Variants in SPATS2 observed in about 807,000 individuals in gnomAD.
SPATS2 encodes the protein spermatogenesis associated serine rich 2.
Under a neutral mutation model 63.7 loss-of-function variants are expected in SPATS2, and 38 were observed. That is an observed-to-expected ratio of 0.60 (90% confidence interval 0.46 to 0.78). The LOEUF (loss-of-function observed/expected upper bound fraction) is 0.78. SPATS2 is among the 30% of genes least tolerant of loss of function. The pLI is 0.00. For synonymous variants in SPATS2, 207 were observed against 232.9 expected, an observed-to-expected ratio of 0.89 and a Z score of 1.01; for missense variants, 588 against 666.2, an observed-to-expected ratio of 0.88 and a Z score of 1.29.
chr12:49,400,930 C>T (rs1323531547), intron 2 of SPATS2, among the ~76,000 whole-genome samples: 5 of 152,142 alleles, frequency 3.3e-5, no homozygotes, highest in African/African-American at 7.2e-5. Context: ...GGCTTGAGTG[C>T]CGTGGTGCAT....
intron 3 of SPATS2, among the ~76,000 whole-genome samples, chr12:49,480,626 T>G (rs537483637): frequency 6.6e-6 from 1 of 152,300 alleles, no homozygotes; most frequent in Admixed American, 6.5e-5. Context: ...TGACATTTCT[T>G]TTGTGTGTAT....
At chr12:49,479,917 G>T (rs950519162) in intron 3 of SPATS2, among the ~76,000 whole-genome samples, 1 of 152,106 alleles carries the variant, frequency 6.6e-6, no homozygotes, top group Non-Finnish European at 1.5e-5. Context: ...CTGCCTTTTT[G>T]ATTCTACAGT....
Position 49,453,748 on chromosome 12 carries a change from G to A in SPATS2, c.-243-7022G>A, listed in dbSNP as rs543630125. Among the ~76,000 whole-genome samples, 3 of 152,112 alleles carry A rather than the reference G, an allele frequency of 2.0e-5. No homozygotes were observed. The East Asian group carries it at 5.8e-4, about 29-fold the overall frequency. ...GAATCGCTTGAGCCCAGGAGTTTGA[G>A]GTTGCAGTGAGCTATGATCGTGCCA... is the stretch of plus-strand genomic sequence containing the variant. On this transcript the variant is annotated intron_variant, in intron 2 of 13. Coordinates refer to ENST00000552918, the MANE Select transcript of SPATS2 (RefSeq NM_023071.4).
At chr12:49,369,621 A>G (rs549779013) in intron 1 of SPATS2, among the ~76,000 whole-genome samples, 2 of 152,266 alleles carry the variant, frequency 1.3e-5, no homozygotes, top group South Asian at 4.1e-4. Flanking sequence ...TGTGATTTAG[A>G]TGAAGATTAA....
chr12:49,522,909 A>G (rs541986125), intron 12 of SPATS2, 56 bp downstream of exon 12: 1 of 1,442,914 alleles, frequency 6.9e-7, no homozygotes, highest in East Asian at 2.3e-5. Flanking sequence ...TTAGAGACTG[A>G]CGTGCTGATT....
At chr12:49,371,109 G>A (rs1348077470) in intron 1 of SPATS2, 119 bp from the exon 2 acceptor site, 1 of 152,226 alleles carries the variant, frequency 6.6e-6, no homozygotes, top group Non-Finnish European at 1.5e-5. Context: ...GTGGCATTAA[G>A]TACATTCACA....
intron 1 of SPATS2, 66 bp downstream of exon 1, chr12:49,367,653 G>A (rs1943922511): frequency 2.6e-6 from 1 of 387,634 alleles, no homozygotes; most frequent in East Asian, 3.7e-5. Flanking sequence ...TGCGGGGAGC[G>A]GGTTGAGGGA....
intron 4 of SPATS2, among the ~76,000 whole-genome samples, chr12:49,487,759 G>A (rs779775504): frequency 4.6e-5 from 7 of 151,852 alleles, no homozygotes; most frequent in Admixed American, 2.6e-4. Flanking sequence ...CACCACATCC[G>A]GCTAATTTTA....
chr12:49,467,724 A>G (rs952287228), intron 3 of SPATS2, among the ~76,000 whole-genome samples: 2 of 151,570 alleles, frequency 1.3e-5, no homozygotes, highest in African/African-American at 4.9e-5. Flanking sequence ...TTTGAGACGG[A>G]GTCTCGCTCT....
At chr12:49,485,747 T>C (rs1946280569) in intron 4 of SPATS2, among the ~76,000 whole-genome samples, 1 of 150,902 alleles carries the variant, frequency 6.6e-6, no homozygotes, top group East Asian at 2.0e-4. Context: ...ATAAAAGCTT[T>C]ATGGGCTCTC....
chr12:49,459,947 A>G lies in SPATS2; in HGVS notation c.-243-823A>G, dbSNP rs1157922185. On this transcript the variant is annotated intron_variant, in intron 2 of 13. Transcript: ENST00000552918. ...TGAAACCCTGTCTCTACTGAAAAAA[A>G]AAAAAAAAAAATTAGCCAGGTGTGG... is the stretch of plus-strand genomic sequence containing the variant. 4.7e-5 allele frequency among the ~76,000 whole-genome samples: 7 copies of G among 150,074 alleles called. No individual in the cohort carries two copies. The East Asian group carries it at 1.4e-3, about 30-fold the overall frequency.
At chr12:49,415,121 G>A (rs935811840) in intron 2 of SPATS2, among the ~76,000 whole-genome samples, 4 of 151,080 alleles carry the variant, frequency 2.6e-5, no homozygotes, top group Admixed American at 6.6e-5. Flanking sequence ...TAGTAGAGAT[G>A]GGGTTTCACC....
At chr12:49,460,739 A>T (rs1945807761) in intron 2 of SPATS2, 31 bp from the exon 3 acceptor site, 2 of 445,652 alleles carry the variant, frequency 4.5e-6, no homozygotes, top group South Asian at 6.2e-5. Flanking sequence ...TTACTGTAAT[A>T]GTATATGTGT....
At position 49,494,960 on chromosome 12, in the gene SPATS2, G is replaced by A. The variant is rs745649689; in HGVS notation, c.484G>A (p.Glu162Lys). The A allele has an allele frequency of 5.6e-6, 9 of 1,613,574 alleles. No homozygotes were observed. Among genetic ancestry groups the A allele is most frequent in the South Asian group, 1.1e-5 (1 of 90,974 alleles). ...ETLSIDAREL[E>K]DPESAMLDTL... is the part of the protein sequence containing the mutation. Reference sequence around the variant, plus strand: ...ACTTTCAATAGATGCCAGAGAATTGGAGGATCCCGAGTCTGCCATGCTAGA... The same window carrying A: ...ACTTTCAATAGATGCCAGAGAATTGAAGGATCCCGAGTCTGCCATGCTAGA... The change falls in exon 7 of 14, where the codon GAG becomes AAG. Residue 162 changes from glutamate to lysine, a missense_variant. Transcript: ENST00000552918.
intron 6 of SPATS2, among the ~76,000 whole-genome samples, chr12:49,494,245 T>G (rs1946429286): frequency 6.6e-6 from 1 of 152,238 alleles, no homozygotes; most frequent in Admixed American, 6.5e-5. Flanking sequence ...TTATCAATTC[T>G]ACAGTGTTAA....
At chr12:49,386,121 G>A (rs966734688) in intron 2 of SPATS2, among the ~76,000 whole-genome samples, 1 of 147,910 alleles carries the variant, frequency 6.8e-6, no homozygotes, top group Non-Finnish European at 1.5e-5. Flanking sequence ...CGCCTGCCTC[G>A]GCCCCCAAAG....
intron 10 of SPATS2, among the ~76,000 whole-genome samples, chr12:49,516,592 G>A (rs886737595): frequency 6.6e-6 from 1 of 151,688 alleles, no homozygotes; most frequent in African/African-American, 2.4e-5. Flanking sequence ...TGTAGTCCCA[G>A]CTACTCGGGA....
chr12:49,474,113 G>GT (rs1247730724), intron 3 of SPATS2, among the ~76,000 whole-genome samples: 3 of 152,174 alleles, frequency 2.0e-5, no homozygotes, highest in Non-Finnish European at 4.4e-5. Context: ...TCGTACCTGT[G>GT]TTATATATCA....
chr12:49,369,282 C>T (rs1943959124), intron 1 of SPATS2, among the ~76,000 whole-genome samples: 1 of 152,054 alleles, frequency 6.6e-6, no homozygotes, highest in African/African-American at 2.4e-5. Context: ...CTGACTTGGC[C>T]TCCCAAAGTG....
Sources: allele counts gnomAD v4.1 joint callset (sites outside exome capture counted in the v4.1 genomes callset), GRCh38; gene constraint gnomAD v4.1.1; transcripts MANE v1.5; gene names NCBI Gene and HGNC (gene_info 2026-07-23, HGNC 2026-07-21).